RABGAP1L: variants seen among roughly 807,000 people sequenced by gnomAD.
RABGAP1L encodes the protein RAB GTPase activating protein 1 like.
RABGAP1L carries 63 observed loss-of-function variants against 137.7 expected under a neutral mutation model. That is an observed-to-expected ratio of 0.46 (90% CI 0.37 to 0.56). RABGAP1L has a LOEUF of 0.56. Among genes scored for constraint, RABGAP1L ranks in the 20% least tolerant of loss-of-function variants. RABGAP1L has a pLI of 0.00. For synonymous variants in RABGAP1L, 431 were observed against 433.7 expected (o/e 0.99, Z 0.08); for missense variants, 1,095 against 1,244.0 (o/e 0.88, Z 1.80).
chr1:174,864,107 T>G (rs1027933767), intron 19 of RABGAP1L, among the ~76,000 whole-genome samples: 3 of 152,218 alleles, frequency 2.0e-5, no homozygotes, highest in Non-Finnish European at 2.9e-5. Flanking sequence ...TAAATTGAAG[T>G]CGTTGCTATT....
At chr1:174,469,644 C>T (rs1032630145) in intron 13 of RABGAP1L, among the ~76,000 whole-genome samples, 3 of 152,288 alleles carry the variant, frequency 2.0e-5, no homozygotes, top group Middle Eastern at 3.4e-3. Flanking sequence ...AAAAAAATCC[C>T]TCACTATAAG....
intron 13 of RABGAP1L, among the ~76,000 whole-genome samples, chr1:174,434,116 C>CACACAT (rs1652975337): frequency 7.6e-6 from 1 of 130,814 alleles, no homozygotes; most frequent in Admixed American, 7.3e-5. Flanking sequence ...CATACACACA[C>CACACAT]ACACACACAC....
chr1:174,525,323 G>T (rs1417898481), intron 13 of RABGAP1L, among the ~76,000 whole-genome samples: 3 of 152,036 alleles, frequency 2.0e-5, no homozygotes, highest in Admixed American at 6.5e-5. Context: ...TTTTCCATCA[G>T]TGTTTTATAG....
intron 13 of RABGAP1L, among the ~76,000 whole-genome samples, chr1:174,560,984 T>A (rs1476968532): frequency 6.6e-6 from 1 of 152,102 alleles, no homozygotes; most frequent in Non-Finnish European, 1.5e-5. Flanking sequence ...CACAGTGGAG[T>A]TACTTATGTG....
chr1:174,547,780 C>T, intron 13 of RABGAP1L: 1 of 1,372,326 alleles, frequency 7.3e-7, no homozygotes, highest in Non-Finnish European at 1.0e-6. Context: ...TTAGATGCAT[C>T]AGTTTATTAC....
chr1:174,891,182 C>T (rs1003536551), intron 19 of RABGAP1L, among the ~76,000 whole-genome samples: 2 of 152,018 alleles, frequency 1.3e-5, no homozygotes, highest in Non-Finnish European at 2.9e-5. Flanking sequence ...TGTCAGGGGA[C>T]GGGAAAGATG....
intron 19 of RABGAP1L, among the ~76,000 whole-genome samples, chr1:174,933,251 G>A (rs1664161873): frequency 6.6e-6 from 1 of 152,014 alleles, no homozygotes; most frequent in Non-Finnish European, 1.5e-5. Context: ...AAATCCCCCA[G>A]TATTTGCCAA....
intron 13 of RABGAP1L, among the ~76,000 whole-genome samples, chr1:174,561,102 G>A (rs771578100): frequency 6.6e-6 from 1 of 152,054 alleles, no homozygotes; most frequent in Non-Finnish European, 1.5e-5. Flanking sequence ...TGACATGATC[G>A]TATATTTAGA....
chr1:174,462,578 A>AT (rs1195635653), intron 13 of RABGAP1L, among the ~76,000 whole-genome samples: 4 of 152,004 alleles, frequency 2.6e-5, no homozygotes, highest in Non-Finnish European at 5.9e-5. Flanking sequence ...GTGCAAGTTT[A>AT]TTACTTGGGG....
chr1:174,780,307 AC>A (rs1021101162), intron 18 of RABGAP1L, among the ~76,000 whole-genome samples: 3 of 151,908 alleles, frequency 2.0e-5, no homozygotes, highest in African/African-American at 4.8e-5. Context: ...GATGATTCCA[AC>A]CTCACCATGG....
intron 13 of RABGAP1L, among the ~76,000 whole-genome samples, chr1:174,473,967 C>T (rs1658224290): frequency 6.6e-6 from 1 of 152,110 alleles, no homozygotes; most frequent in Admixed American, 6.6e-5. Context: ...TTGACTAACC[C>T]CATTTTCTCC....
chr1:174,604,419 A>G (rs1034831385), intron 13 of RABGAP1L, among the ~76,000 whole-genome samples: 1 of 152,104 alleles, frequency 6.6e-6, no homozygotes, highest in African/African-American at 2.4e-5. Context: ...ATGCTAGGGG[A>G]TAGAGGTGAT....
intron 17 of RABGAP1L, among the ~76,000 whole-genome samples, chr1:174,733,150 C>G (rs1682646816): frequency 6.6e-6 from 1 of 152,040 alleles, no homozygotes; most frequent in Admixed American, 6.6e-5. Context: ...GCTTTATTGC[C>G]TCTCCAAAAA....
At chr1:174,307,039 C>T (rs899741817) in intron 11 of RABGAP1L, among the ~76,000 whole-genome samples, 3 of 152,096 alleles carry the variant, frequency 2.0e-5, no homozygotes, top group African/African-American at 7.2e-5. Flanking sequence ...ATGCTAAGAA[C>T]ATTCCAAGTA....
chr1:174,582,635 C>CA (rs1668825444), intron 13 of RABGAP1L, among the ~76,000 whole-genome samples: 2 of 152,216 alleles, frequency 1.3e-5, no homozygotes, highest in Middle Eastern at 3.4e-3. Flanking sequence ...CCACTTCATA[C>CA]AATATGAGTA....
intron 13 of RABGAP1L, among the ~76,000 whole-genome samples, chr1:174,413,130 T>C (rs1314167454): frequency 6.6e-6 from 1 of 152,164 alleles, no homozygotes; most frequent in Non-Finnish European, 1.5e-5. Flanking sequence ...CATAATCCTA[T>C]TTTTATCAAA....
chr1:174,181,153 G>A (rs560597196), intron 1 of RABGAP1L, among the ~76,000 whole-genome samples: 3 of 152,224 alleles, frequency 2.0e-5, no homozygotes, highest in East Asian at 3.9e-4. Context: ...TTATATGCCA[G>A]TACTAAGCCA....
At chr1:174,792,808 A>G (rs1027401079) in intron 18 of RABGAP1L, among the ~76,000 whole-genome samples, 1 of 152,218 alleles carries the variant, frequency 6.6e-6, no homozygotes, top group Non-Finnish European at 1.5e-5. Flanking sequence ...TAAGATAAGC[A>G]GCCTATTGAG....
intron 13 of RABGAP1L, among the ~76,000 whole-genome samples, chr1:174,510,605 A>G (rs1232209328): frequency 6.6e-6 from 1 of 152,162 alleles, no homozygotes; most frequent in Non-Finnish European, 1.5e-5. Flanking sequence ...GGATAGAGGG[A>G]CTTGGTTTAG....
Sources: gnomAD v4.1 joint callset for allele counts (sites outside exome capture counted in the v4.1 genomes callset) on GRCh38, gnomAD v4.1.1 for gene constraint, MANE v1.5 for transcripts, NCBI Gene and HGNC (gene_info 2026-07-23, HGNC 2026-07-21) for gene names.